Variants in CAMKMT observed in about 807,000 individuals in gnomAD.
CAMKMT encodes CaM KMT.
Under a neutral mutation model 48.0 loss-of-function variants are expected in CAMKMT, and 53 were observed. The observed-to-expected ratio is 1.10, with a 90% confidence interval of 0.89 to 1.39. The LOEUF (loss-of-function observed/expected upper bound fraction) is 1.39, where lower values mean the gene tolerates loss of function less well. Ranked by LOEUF, CAMKMT falls within the 40% of genes most tolerant of loss-of-function variation. The probability of loss-of-function intolerance (pLI) is 0.00; values close to 1 mark genes in which losing one functional copy is unlikely to be tolerated. For missense variants in CAMKMT, 428 were observed against 402.7 expected (o/e 1.06, Z -0.54); for synonymous variants, 165 against 152.3 (o/e 1.08, Z -0.61).
At chr2:44,601,572 G>A (rs1415078493) in intron 3 of CAMKMT, among the ~76,000 whole-genome samples, 1 of 151,990 alleles carries the variant, frequency 6.6e-6, no homozygotes, top group Non-Finnish European at 1.5e-5. Context: ...GAGATACTAT[G>A]TTTCTGGTAA....
In CAMKMT at chr2:44,635,530, A is replaced by AT. The variant is rs1206501737; in HGVS notation, c.377-68752dup. Among the ~76,000 whole-genome samples the AT allele has an allele frequency of 2.6e-4, 39 of 152,340 alleles. 1 individual carries two copies. The highest frequency in any genetic ancestry group is 3.4e-3 in the Middle Eastern group (1 of 294). On this transcript the variant is annotated intron_variant, in intron 3 of 10. Transcript: ENST00000378494. The stretch of plus-strand genomic sequence containing the variant: ...ATTCTCTTCCTGCATTCCATGCTCC[A>AT]TCTTGCATATCTTGGGTTCACGCAC...
chr2:44,407,227 C>T (rs1074854), intron 3 of CAMKMT, among the ~76,000 whole-genome samples: 13,235 of 152,094 alleles, frequency 0.087, 705 homozygotes, highest in African/African-American at 0.14. Flanking sequence ...AATAATTTTG[C>T]TCCCTTCACA....
intron 3 of CAMKMT, among the ~76,000 whole-genome samples, chr2:44,408,070 G>A (rs1327058163): frequency 1.4e-5 from 2 of 145,954 alleles, no homozygotes; most frequent in Admixed American, 1.4e-4. Flanking sequence ...TCTGTCCCCA[G>A]GCTGGAGTGC....
At chr2:44,411,294 G>A (rs927960302) in intron 3 of CAMKMT, among the ~76,000 whole-genome samples, 4 of 152,098 alleles carry the variant, frequency 2.6e-5, no homozygotes, top group Admixed American at 6.5e-5. Flanking sequence ...TGACTATTGC[G>A]TGGCAAGTAC....
rs139875277 is a variant in CAMKMT at position 44,448,958 on chromosome 2, T to C, written c.376+58653T>C. Among the ~76,000 whole-genome samples the C allele has an allele frequency of 3.5e-3, 526 of 152,276 alleles. 2 individuals carry two copies. The highest frequency in any genetic ancestry group is 0.012 in the African/African-American group (487 of 41,560). ...CAGGCAAATCTGTAGAGACAGTAGA[T>C]TAGTAGTTGCCTCGTGCAGGAAACT... On this transcript the variant is annotated intron_variant, in intron 3 of 10. Transcript: ENST00000378494.
chr2:44,537,047 A>G (rs1206290330), intron 3 of CAMKMT, among the ~76,000 whole-genome samples: 1 of 152,204 alleles, frequency 6.6e-6, no homozygotes, highest in Non-Finnish European at 1.5e-5. Context: ...TCAGATCCCA[A>G]ACTATGGAAC....
intron 3 of CAMKMT, among the ~76,000 whole-genome samples, chr2:44,531,218 T>C (rs1417686078): frequency 6.6e-6 from 1 of 152,146 alleles, no homozygotes; most frequent in Non-Finnish European, 1.5e-5. Context: ...AGATTAAAAA[T>C]TAAGCCCAAT....
chr2:44,370,710 C>T (rs944540041), intron 1 of CAMKMT, among the ~76,000 whole-genome samples: 2 of 152,016 alleles, frequency 1.3e-5, no homozygotes, highest in Non-Finnish European at 2.9e-5. Context: ...TGCTTATTAA[C>T]TTTTGGCCTT....
chr2:44,392,696 A>G (rs1211843984), intron 3 of CAMKMT, among the ~76,000 whole-genome samples: 1 of 152,004 alleles, frequency 6.6e-6, no homozygotes, highest in Non-Finnish European at 1.5e-5. Context: ...TAATATATTC[A>G]GTAATTCAAA....
chr2:44,733,532 G>T lies in CAMKMT; in HGVS notation c.624-10090G>T, dbSNP rs1388516842. Among the ~76,000 whole-genome samples, 3 of 152,136 alleles carry T rather than the reference G, an allele frequency of 2.0e-5. No homozygotes were observed. The East Asian group carries it at 5.8e-4, about 29-fold the overall frequency. ...TCTTATGCCTGACGTTAGGAAGAAA[G>T]CATCGGGTCTTTCACCATTAAGTAT... On this transcript the variant is annotated intron_variant, in intron 7 of 10. Coordinates refer to ENST00000378494, the MANE Select transcript of CAMKMT (RefSeq NM_024766.5).
At chr2:44,523,870 C>T (rs1207888130) in intron 3 of CAMKMT, among the ~76,000 whole-genome samples, 1 of 149,426 alleles carries the variant, frequency 6.7e-6, no homozygotes, top group Non-Finnish European at 1.5e-5. Flanking sequence ...CTTTGCCTCC[C>T]CGGTTCAAGT....
chr2:44,517,633 G>C (rs1670898893), intron 3 of CAMKMT, among the ~76,000 whole-genome samples: 3 of 152,128 alleles, frequency 2.0e-5, no homozygotes, highest in Non-Finnish European at 4.4e-5. Context: ...ATTGAAAGGT[G>C]TAATAGGAAC....
At chr2:44,386,091 A>C (rs1374327301) in intron 2 of CAMKMT, among the ~76,000 whole-genome samples, 1 of 152,032 alleles carries the variant, frequency 6.6e-6, no homozygotes, top group African/African-American at 2.4e-5. Context: ...TCTGCTGTGA[A>C]TCCATCTGGT....
intron 7 of CAMKMT, among the ~76,000 whole-genome samples, chr2:44,727,019 G>A (rs759785234): frequency 5.3e-5 from 8 of 152,096 alleles, no homozygotes; most frequent in Non-Finnish European, 1.0e-4. Context: ...TGGTGACTAT[G>A]GCTTTATAGT....
At chr2:44,669,785 G>C (rs911999207) in intron 3 of CAMKMT, among the ~76,000 whole-genome samples, 1 of 151,992 alleles carries the variant, frequency 6.6e-6, no homozygotes, top group Non-Finnish European at 1.5e-5. Flanking sequence ...CTACAGGTGT[G>C]TGCCACCACA....
At chr2:44,724,193 G>T (rs989937160) in intron 7 of CAMKMT, among the ~76,000 whole-genome samples, 1 of 152,250 alleles carries the variant, frequency 6.6e-6, no homozygotes, top group Admixed American at 6.5e-5. Context: ...ATTGCTTGAG[G>T]CCAGGAGTTC....
At chr2:44,398,346 T>G (rs1682044950) in intron 3 of CAMKMT, among the ~76,000 whole-genome samples, 2 of 152,154 alleles carry the variant, frequency 1.3e-5, no homozygotes, top group Non-Finnish European at 2.9e-5. Flanking sequence ...GAAAATAACT[T>G]TGGCAAATGG....
At chr2:44,395,048 T>G in intron 3 of CAMKMT, 3 of 442,826 alleles carry the variant, frequency 6.8e-6, no homozygotes, top group Non-Finnish European at 1.4e-5. Flanking sequence ...GAAAAAAAAT[T>G]ATATGTTTTC....
intron 3 of CAMKMT, among the ~76,000 whole-genome samples, chr2:44,632,800 G>A (rs1672910605): frequency 1.3e-5 from 2 of 152,134 alleles, no homozygotes; most frequent in Non-Finnish European, 2.9e-5. Context: ...ACAAAGACTA[G>A]ACTGGCCTAG....
Sources: allele counts gnomAD v4.1 joint callset (sites outside exome capture counted in the v4.1 genomes callset), GRCh38; gene constraint gnomAD v4.1.1; transcripts MANE v1.5; gene names NCBI Gene and HGNC (gene_info 2026-07-23, HGNC 2026-07-21).